Variants in MFN1 observed in about 807,000 individuals in gnomAD.
MFN1 encodes mitofusin 1.
Under a neutral mutation model 92.4 loss-of-function variants are expected in MFN1, and 65 were observed. That is an observed-to-expected ratio of 0.70 (90% CI 0.58 to 0.86). The LOEUF is 0.86. Ranked by LOEUF, MFN1 falls within the 40% of genes least tolerant of loss-of-function variation. The pLI, the probability that MFN1 is intolerant of heterozygous loss-of-function variation, is 0.00. For synonymous variants in MFN1, 297 were observed against 300.9 expected, an observed-to-expected ratio of 0.99 and a Z score of 0.13; for missense variants, 781 against 868.0, an observed-to-expected ratio of 0.90 and a Z score of 1.26.
At chr3:179,388,942 G>C (rs149449525) in intron 16 of MFN1, among the ~76,000 whole-genome samples, 2 of 151,798 alleles carry the variant, frequency 1.3e-5, no homozygotes, top group Non-Finnish European at 2.9e-5. Context: ...TTGGGGTTTG[G>C]ATAATTAGGA....
Position 179,378,708 on chromosome 3 carries a change from A to G in MFN1, c.1556A>G (p.Asp519Gly). The change falls in exon 14 of 18, where the codon GAT (aspartate) becomes GGT (glycine). Residue 519 changes from aspartate to glycine, a missense_variant. Asp to Gly is a moderately conservative substitution (Grantham distance 94). Transcript: ENST00000471841. ...YHKLCSDFQE[D>G]IVFRFSLGWS... is the part of the protein sequence containing the mutation. ...AAGTTATGTTCAGATTTTCAAGAGG[A>G]TATTGTATTTCGTTTTTCCCTGGGC... The G allele has an allele frequency of 6.2e-7, 1 of 1,613,878 alleles. No individual in the cohort carries two copies. The highest frequency in any genetic ancestry group is 8.5e-7 in the Non-Finnish European group (1 of 1,179,816).
intron 16 of MFN1, among the ~76,000 whole-genome samples, chr3:179,387,016 AGTG>A (rs1713711875): frequency 6.6e-6 from 1 of 152,084 alleles, no homozygotes; most frequent in South Asian, 2.1e-4. Context: ...CTTGGGCTCA[AGTG>A]ATCTTACTGC....
In MFN1 at chr3:179,378,641, C is replaced by A. The variant is rs1713347307; in HGVS notation, c.1489C>A (p.Pro497Thr). 2.5e-6 allele frequency: 4 copies of A among 1,613,464 alleles called. No homozygotes were observed. In the South Asian group the frequency reaches 3.3e-5, roughly 13 times the overall value. ...GIQDKLHTLI[P>T]CKKFDLSYNL... Reference sequence around the variant, plus strand: ...ACAGGATAAACTACATACACTGATCCCTTGCAAGAAATTTGATCTCAGTTA... The same window carrying A: ...ACAGGATAAACTACATACACTGATCACTTGCAAGAAATTTGATCTCAGTTA... The change falls in exon 14 of 18, where the codon CCT becomes ACT. Residue 497 changes from proline (P) to threonine (T), a missense_variant. Coordinates refer to ENST00000471841, the MANE Select transcript of MFN1 (RefSeq NM_033540.3).
At chr3:179,371,724 T>C (rs1044359819) in intron 9 of MFN1, among the ~76,000 whole-genome samples, 10 of 152,160 alleles carry the variant, frequency 6.6e-5, no homozygotes, top group Non-Finnish European at 1.3e-4. Flanking sequence ...AAATAACTTA[T>C]TTAAAATGTC....
intron 2 of MFN1, among the ~76,000 whole-genome samples, chr3:179,351,418 T>A (rs1349710409): frequency 1.3e-5 from 2 of 152,200 alleles, no homozygotes; most frequent in African/African-American, 4.8e-5. Flanking sequence ...ACCTCATCCC[T>A]GGGGGAAGCA....
intron 2 of MFN1, 110 bp downstream of exon 2, chr3:179,349,073 A>G (rs942165879): frequency 1.8e-5 from 14 of 770,684 alleles, no homozygotes; most frequent in African/African-American, 1.0e-4. Context: ...ACTGTATACT[A>G]TGAGAAGTAC....
At chr3:179,348,649 C>T (rs1425875674) in intron 1 of MFN1, 196 bp from the exon 2 acceptor site, 3 of 725,968 alleles carry the variant, frequency 4.1e-6, no homozygotes, top group African/African-American at 1.8e-5. Flanking sequence ...ATAGATTTCA[C>T]TTATTTTAGT....
At position 179,377,394 on chromosome 3, in the gene MFN1, T is replaced by C; in HGVS notation, c.1275T>C (p.Asp425=). 6.2e-7 allele frequency: 1 copy of C among 1,609,950 alleles called. No individual in the cohort carries two copies. The highest frequency in any genetic ancestry group is 8.5e-7 in the Non-Finnish European group (1 of 1,178,416). The change falls in exon 12 of 18, where the codon GAT becomes GAC. Residue 425 remains aspartate (D), a synonymous_variant. Coordinates refer to ENST00000471841, the MANE Select transcript of MFN1 (RefSeq NM_033540.3). ...DEICRLSVLV[D]EFCSEFHPNP... is the part of the protein sequence containing the mutation. ...TTTGTCGACTGTCTGTTTTGGTTGA[T>C]GAATTTTGTTCAGAGTTTCATCCTA...
At chr3:179,379,993 G>T (rs972175131) in intron 14 of MFN1, among the ~76,000 whole-genome samples, 2 of 152,182 alleles carry the variant, frequency 1.3e-5, no homozygotes, top group Non-Finnish European at 2.9e-5. Flanking sequence ...CATCAGCATT[G>T]CAGTGAACAC....
At chr3:179,357,258 G>A (rs1262053976) in intron 3 of MFN1, among the ~76,000 whole-genome samples, 1 of 152,158 alleles carries the variant, frequency 6.6e-6, no homozygotes, top group Non-Finnish European at 1.5e-5. Flanking sequence ...CAACAAGGAA[G>A]TGGGCCAAAG....
At chr3:179,349,760 G>T (rs1039603003) in intron 2 of MFN1, among the ~76,000 whole-genome samples, 10 of 152,052 alleles carry the variant, frequency 6.6e-5, no homozygotes, top group African/African-American at 2.2e-4. Context: ...ACCTCTCTTG[G>T]CCTCCCAAAG....
chr3:179,390,221 C>A, intron 17 of MFN1, 83 bp downstream of exon 17: 7 of 1,154,724 alleles, frequency 6.1e-6, no homozygotes, highest in East Asian at 3.1e-5. Flanking sequence ...AATTTGTATT[C>A]ATTCCTAATA....
At chr3:179,378,076 T>C (rs1321562541) in intron 12 of MFN1, 3 of 350,396 alleles carry the variant, frequency 8.6e-6, no homozygotes, top group African/African-American at 4.3e-5. Flanking sequence ...AAATAAAAAA[T>C]AGCCAAGCAT....
rs1405840150 is a variant in MFN1 at position 179,392,813 on chromosome 3, T to C, written c.*754T>C. On this transcript the variant is annotated 3_prime_UTR_variant, in exon 18 of 18. Coordinates refer to ENST00000471841, the MANE Select transcript of MFN1 (RefSeq NM_033540.3). The stretch of plus-strand genomic sequence containing the variant: ...AGATAGGAGACGTCTGAATTTTGAA[T>C]GATAAACAGTGATGTTTTAAAAAAG... 6.6e-6 allele frequency: 1 copy of C among 152,230 alleles called. No homozygotes were observed. The highest frequency in any genetic ancestry group is 1.5e-5 in the Non-Finnish European group (1 of 68,020). The allele number at this position is 152,230 out of a possible 1,614,324, so 9.4% of individuals were successfully genotyped here. A position where few individuals can be genotyped will look rare whatever the true frequency, so the allele number is the denominator to read the frequency against.
At chr3:179,365,301 T>G in intron 7 of MFN1, 76 bp downstream of exon 7, 1 of 815,922 alleles carries the variant, frequency 1.2e-6, no homozygotes, top group South Asian at 2.0e-5. Context: ...CAATATTGCT[T>G]ATAGAATAGA....
chr3:179,377,840 G>A (rs1297362385), intron 12 of MFN1, among the ~76,000 whole-genome samples: 8 of 151,972 alleles, frequency 5.3e-5, no homozygotes, highest in Non-Finnish European at 8.8e-5. Context: ...TGAGGCGGAC[G>A]GATCACGAGG....
intron 5 of MFN1, 22 bp from the exon 6 acceptor site, chr3:179,364,275 A>G (rs1195760216): frequency 1.2e-5 from 18 of 1,519,570 alleles, no homozygotes; most frequent in Non-Finnish European, 1.6e-5. Context: ...ATATAATACA[A>G]TTTTTATTTC....
intron 9 of MFN1, among the ~76,000 whole-genome samples, chr3:179,368,782 C>T (rs1464768338): frequency 6.6e-6 from 1 of 152,152 alleles, no homozygotes; most frequent in Non-Finnish European, 1.5e-5. Context: ...TAGATATTAA[C>T]CTTCTGAACC....
intron 14 of MFN1, among the ~76,000 whole-genome samples, chr3:179,381,520 CTGT>C (rs1713466375): frequency 2.0e-5 from 3 of 152,180 alleles, no homozygotes; most frequent in Non-Finnish European, 2.9e-5. Context: ...TTATTTTTCA[CTGT>C]TATTAATGGT....
Sources: gnomAD v4.1 joint callset for allele counts (sites outside exome capture counted in the v4.1 genomes callset) on GRCh38, gnomAD v4.1.1 for gene constraint, MANE v1.5 for transcripts, NCBI Gene and HGNC (gene_info 2026-07-23, HGNC 2026-07-21) for gene names.